IHO1: variants seen among roughly 807,000 people sequenced by gnomAD.
IHO1 encodes interactor of HORMAD1 protein 1.
A neutral mutation model predicts 31.0 loss-of-function variants in IHO1; 13 were observed. That is an observed-to-expected ratio of 0.42 (90% CI 0.27 to 0.67). IHO1 has a LOEUF of 0.67. Among genes scored for constraint, IHO1 ranks in the 30% least tolerant of loss-of-function variants. The pLI is 0.24. For missense variants in IHO1, 599 were observed against 687.5 expected, an observed-to-expected ratio of 0.87 and a Z score of 1.44; for synonymous variants, 221 against 248.4, an observed-to-expected ratio of 0.89 and a Z score of 1.04.
chr3:49,239,596 AT>A (rs2046603936), intron 3 of IHO1, among the ~76,000 whole-genome samples: 1 of 150,456 alleles, frequency 6.6e-6, no homozygotes, highest in South Asian at 2.1e-4. Flanking sequence ...GCTAATTTTT[AT>A]ATTTTTTGTA....
chr3:49,236,520 T>G lies in IHO1; in HGVS notation c.57-28T>G. ...CATTTGTTCAGGATATTTGTCTATT[T>G]GATACACTTTTTTTTGCTAAATTTC... On this transcript the variant is annotated intron_variant, in intron 2 of 7. Transcript: ENST00000452691. 3.9e-6 allele frequency: 6 copies of G among 1,524,476 alleles called. 1 individual carries two copies. Among genetic ancestry groups the G allele is most frequent in the Non-Finnish European group, 5.4e-6 (6 of 1,104,040 alleles). The allele number at this position is 1,524,476 out of a possible 1,614,324, so 94.4% of individuals were successfully genotyped here. A position where few individuals can be genotyped will look rare whatever the true frequency, so the allele number is the denominator to read the frequency against.
At chr3:49,232,934 C>T (rs577330436) in intron 2 of IHO1, among the ~76,000 whole-genome samples, 5 of 152,194 alleles carry the variant, frequency 3.3e-5, no homozygotes, top group Non-Finnish European at 7.3e-5. Context: ...TTTCTGGTCT[C>T]AGTATTTACC....
chr3:49,244,593 T>C (rs2046672760), intron 5 of IHO1, 53 bp from the exon 6 acceptor site: 3 of 1,509,040 alleles, frequency 2.0e-6, no homozygotes, highest in African/African-American at 1.4e-5. Flanking sequence ...TTCTCTAAGA[T>C]AGTAGAATAA....
At chr3:49,196,060 C>A (rs1308790761), upstream of IHO1, among the ~76,000 whole-genome samples, 1 of 151,218 alleles carries the variant, frequency 6.6e-6, no homozygotes, top group Non-Finnish European at 1.5e-5. Context: ...ACGGTAAAAC[C>A]TCATCTCTAC....
intron 2 of IHO1, among the ~76,000 whole-genome samples, chr3:49,221,093 G>T (rs2046350181): frequency 1.3e-5 from 2 of 152,230 alleles, no homozygotes; most frequent in African/African-American, 4.8e-5. Context: ...ACAGAGTGCT[G>T]ATTGGTGCAT....
Position 49,218,746 on chromosome 3 carries a change from T to A in IHO1, c.56+6910T>A, listed in dbSNP as rs576018660. ...TATGAACTTACACAAACAGGTTATA[T>A]AACAAGTGGAGTTATGTGCTTGCAT... On this transcript the variant is annotated intron_variant, in intron 2 of 7. Coordinates refer to ENST00000452691, the MANE Select transcript of IHO1 (RefSeq NM_001135197.2). Among the ~76,000 whole-genome samples, 262 of 152,318 alleles carry A rather than the reference T, an allele frequency of 1.7e-3. 1 individual carries two copies. Among genetic ancestry groups the A allele is most frequent in the Non-Finnish European group, 3.2e-3 (218 of 68,016 alleles).
chr3:49,240,818 G>A (rs1231230658), intron 3 of IHO1, among the ~76,000 whole-genome samples: 1 of 152,182 alleles, frequency 6.6e-6, no homozygotes, highest in African/African-American at 2.4e-5. Context: ...CATGCCCACT[G>A]TCCAGTCCAC....
Position 49,241,335 on chromosome 3 carries a change from G to C in IHO1, c.341G>C (p.Gly114Ala). 6.2e-7 allele frequency: 1 copy of C among 1,613,564 alleles called. No individual in the cohort carries two copies. The highest frequency in any genetic ancestry group is 8.5e-7 in the Non-Finnish European group (1 of 1,179,706). Residue 114 changes from glycine to alanine, a missense_variant, in exon 4 of 8, where the codon GGC (glycine) becomes GCC (alanine). Coordinates refer to ENST00000452691, the MANE Select transcript of IHO1 (RefSeq NM_001135197.2). The part of the protein sequence containing the change: ...PPPLSVGKSK[G>A]LLEQFEEKKK... The stretch of plus-strand genomic sequence containing the variant: ...CCTTTGTCAGTTGGAAAATCAAAAG[G>C]CCTCTTGGAACAGTTTGAGGAGAAA...
At chr3:49,239,496 G>T (rs376594917) in intron 3 of IHO1, among the ~76,000 whole-genome samples, 16 of 151,256 alleles carry the variant, frequency 1.1e-4, no homozygotes, top group African/African-American at 3.9e-4. Context: ...CAGCCAGGAT[G>T]GTCTCAATCT....
intron 6 of IHO1, among the ~76,000 whole-genome samples, chr3:49,254,080 C>T (rs1239231004): frequency 3.3e-5 from 5 of 152,066 alleles, no homozygotes; most frequent in South Asian, 2.1e-4. Context: ...GTGATCTGCC[C>T]GCCTCAGCCT....
chr3:49,202,988 G>A (rs1177379545), intron 1 of IHO1, among the ~76,000 whole-genome samples: 1 of 148,944 alleles, frequency 6.7e-6, no homozygotes, highest in Non-Finnish European at 1.5e-5. Context: ...TCAGCCTCCC[G>A]AGTAGCTGGG....
chr3:49,244,537 T>C, intron 5 of IHO1, 85 bp downstream of exon 5: 1 of 1,293,474 alleles, frequency 7.7e-7, no homozygotes, highest in South Asian at 1.3e-5. Context: ...TTAGTTAATG[T>C]AGAATAGCAA....
chr3:49,234,367 A>T (rs1053540099), intron 2 of IHO1, among the ~76,000 whole-genome samples: 1 of 150,910 alleles, frequency 6.6e-6, no homozygotes, highest in African/African-American at 2.4e-5. Flanking sequence ...TTTAGTAGAG[A>T]TGAGATTTCA....
chr3:49,205,812 C>T (rs1459089962), intron 1 of IHO1, among the ~76,000 whole-genome samples: 15 of 149,956 alleles, frequency 1.0e-4, no homozygotes, highest in Non-Finnish European at 2.2e-4. Context: ...CTCTGTCGCC[C>T]AGGCTGGAGT....
chr3:49,227,934 C>T (rs2046435470), intron 2 of IHO1, among the ~76,000 whole-genome samples: 1 of 152,008 alleles, frequency 6.6e-6, no homozygotes, highest in African/African-American at 2.4e-5. Flanking sequence ...GAGCTTTGGG[C>T]AAAAATTATG....
At chr3:49,244,754 G>A in intron 6 of IHO1, 21 bp downstream of exon 6, 1 of 1,598,370 alleles carries the variant, frequency 6.3e-7, no homozygotes, top group Non-Finnish European at 8.6e-7. Context: ...CATGTTTGAG[G>A]TATCAGCAGA....
chr3:49,226,450 C>T (rs2046418089), intron 2 of IHO1, among the ~76,000 whole-genome samples: 1 of 152,144 alleles, frequency 6.6e-6, no homozygotes, highest in Non-Finnish European at 1.5e-5. Context: ...TCTTCCTTTC[C>T]CTGAGTTATG....
At chr3:49,251,759 G>A (rs184696633) in intron 6 of IHO1, among the ~76,000 whole-genome samples, 14 of 150,244 alleles carry the variant, frequency 9.3e-5, no homozygotes, top group Non-Finnish European at 1.6e-4. Flanking sequence ...GCGACACCAC[G>A]CACTGCTAAT....
At chr3:49,223,545 G>C (rs2046380544) in intron 2 of IHO1, among the ~76,000 whole-genome samples, 2 of 152,104 alleles carry the variant, frequency 1.3e-5, no homozygotes, top group Non-Finnish European at 2.9e-5. Flanking sequence ...AAAAAAATTA[G>C]CTGGGTGTGG....
Sources: gnomAD v4.1 joint callset for allele counts (sites outside exome capture counted in the v4.1 genomes callset) on GRCh38, gnomAD v4.1.1 for gene constraint, MANE v1.5 for transcripts, NCBI Gene and HGNC (gene_info 2026-07-23, HGNC 2026-07-21) for gene names.